The following IARS1 variants were observed in gnomAD, a reference collection of about 807,000 sequenced individuals.
IARS1 encodes isoleucyl-tRNA synthetase 1.
IARS1 carries 124 observed loss-of-function variants against 168.2 expected under a neutral mutation model. The observed-to-expected ratio is 0.74, with a 90% CI of 0.64 to 0.86. The LOEUF is 0.86. Ranked by LOEUF, IARS1 falls within the 40% of genes least tolerant of loss-of-function variation. The probability of loss-of-function intolerance (pLI) is 0.00; values close to 1 mark genes in which losing one functional copy is unlikely to be tolerated. For synonymous variants in IARS1, 532 were observed against 529.4 expected, an observed-to-expected ratio of 1.00 and a Z score of -0.07; for missense variants, 1,452 against 1,515.8, an observed-to-expected ratio of 0.96 and a Z score of 0.70.
At chr9:92,258,456 C>G (rs1221695276) in intron 19 of IARS1, among the ~76,000 whole-genome samples, 2 of 152,116 alleles carry the variant, frequency 1.3e-5, no homozygotes, top group Non-Finnish European at 2.9e-5. Flanking sequence ...ATTAGCCAGG[C>G]ATGGTGGTGG....
rs1362509868 is a variant in IARS1, at chr9:92,280,908, GGTAAA to G, written c.598-20_598-16del. On this transcript the variant is annotated splice_polypyrimidine_tract_variant and intron_variant, in intron 6 of 33. Transcript: ENST00000443024. Reference sequence around the variant, plus strand: ...TCTTGAACATCCTGAAATAAATTGAGGTAAAGTATTGTTTTAGAAATCCACAATAA... The same window carrying G: ...TCTTGAACATCCTGAAATAAATTGAGGTATTGTTTTAGAAATCCACAATAA... 9 of 1,588,230 alleles carry G rather than the reference GGTAAA, an allele frequency of 5.7e-6. No homozygotes were observed. The highest frequency in any genetic ancestry group is 6.9e-6 in the Non-Finnish European group (8 of 1,160,986).
chr9:92,238,468 T>C (rs867438367), intron 30 of IARS1, among the ~76,000 whole-genome samples: 2 of 152,178 alleles, frequency 1.3e-5, no homozygotes, highest in South Asian at 2.1e-4. Flanking sequence ...CTCTTCATCA[T>C]GTGATACACT....
At chr9:92,252,028 A>T in intron 21 of IARS1, 143 bp from the exon 22 acceptor site, 1 of 675,540 alleles carries the variant, frequency 1.5e-6, no homozygotes, top group South Asian at 1.9e-5. Flanking sequence ...AGAAAGGGCC[A>T]CGACCACAGG....
chr9:92,210,937 G>A, intron 33 of IARS1, 48 bp from the exon 34 acceptor site: 1 of 1,203,600 alleles, frequency 8.3e-7, no homozygotes, highest in Middle Eastern at 1.9e-4. Flanking sequence ...TTTACCTATT[G>A]GGGGTGAATA....
At chr9:92,281,020 C>A in intron 6 of IARS1, 127 bp from the exon 7 acceptor site, 1 of 519,212 alleles carries the variant, frequency 1.9e-6, no homozygotes, top group Non-Finnish European at 3.1e-6. Flanking sequence ...ACTTACCAGA[C>A]TTACAAACAG....
Position 92,243,322 on chromosome 9 carries a change from G to C in IARS1, c.2905-11C>G, listed in dbSNP as rs780655555. ...TAAGAGGACCAAAGCCTGTGGGAAT[G>C]AACAGTGCACACCATGACAATCAAA... On this transcript the variant is annotated splice_polypyrimidine_tract_variant and intron_variant, in intron 27 of 33. Coordinates refer to ENST00000443024, the MANE Select transcript of IARS1 (RefSeq NM_002161.6). 13 of 1,562,442 alleles carry C rather than the reference G, an allele frequency of 8.3e-6. No individual in the cohort carries two copies. In the South Asian group the frequency reaches 1.2e-4, roughly 15 times the overall value.
intron 19 of IARS1, 48 bp from the exon 20 acceptor site, chr9:92,256,848 T>C (rs1830801251): frequency 6.4e-7 from 1 of 1,557,744 alleles, no homozygotes; most frequent in African/African-American, 1.4e-5. Flanking sequence ...GGAAGAAAGT[T>C]ACTATGAGGA....
chr9:92,241,860 C>CT (rs1047916218), intron 29 of IARS1, among the ~76,000 whole-genome samples: 1 of 152,210 alleles, frequency 6.6e-6, no homozygotes, highest in African/African-American at 2.4e-5. Context: ...AATCCACACA[C>CT]TGCCTTTTCT....
rs987846944 is a variant in IARS1, at chr9:92,240,805, C to A, written c.3283+51G>T. 2.8e-6 allele frequency: 3 copies of A among 1,086,344 alleles called. No homozygotes were observed. In the South Asian group the frequency reaches 3.8e-5, roughly 14 times the overall value. The allele number at this position is 1,086,344 out of a possible 1,614,324, so 67.3% of individuals were successfully genotyped here. A position where few individuals can be genotyped will look rare whatever the true frequency, so the allele number is the denominator to read the frequency against. On this transcript the variant is annotated intron_variant, in intron 30 of 33. Transcript: ENST00000443024. The stretch of plus-strand genomic sequence containing the variant: ...AGTTTTTTTGGTTGTTTTTTCACAT[C>A]CATAAGTATAACTAAAAAAAAGTCA...
chr9:92,264,015 C>G (rs1019862684), intron 16 of IARS1, among the ~76,000 whole-genome samples: 8 of 152,192 alleles, frequency 5.3e-5, no homozygotes, highest in Admixed American at 1.3e-4. Context: ...TAACACACCC[C>G]TGCAGAAACA....
chr9:92,234,570 C>T (rs1215599005), intron 30 of IARS1, among the ~76,000 whole-genome samples: 1 of 152,222 alleles, frequency 6.6e-6, no homozygotes, highest in Non-Finnish European at 1.5e-5. Flanking sequence ...TGCTGGCCCT[C>T]TGTACAAGAA....
At chr9:92,290,343 C>T (rs955786373) in intron 1 of IARS1, among the ~76,000 whole-genome samples, 3 of 152,126 alleles carry the variant, frequency 2.0e-5, no homozygotes, top group African/African-American at 7.2e-5. Context: ...TGGCCATTTG[C>T]GTATCCACGT....
At chr9:92,279,702 T>C (rs762298519) in intron 7 of IARS1, among the ~76,000 whole-genome samples, 2 of 152,252 alleles carry the variant, frequency 1.3e-5, no homozygotes, top group Non-Finnish European at 2.9e-5. Context: ...CAGAATTAAA[T>C]ACATCTACAA....
chr9:92,281,009 C>T, intron 6 of IARS1, 116 bp from the exon 7 acceptor site: 4 of 580,448 alleles, frequency 6.9e-6, no homozygotes, highest in Non-Finnish European at 8.2e-6. Flanking sequence ...CCGAAGAAAC[C>T]ACTTACCAGA....
intron 14 of IARS1, among the ~76,000 whole-genome samples, chr9:92,266,085 C>T (rs1445735321): frequency 6.6e-6 from 1 of 152,204 alleles, no homozygotes; most frequent in Non-Finnish European, 1.5e-5. Context: ...TGCCACTGCT[C>T]CTCTGTTTCC....
At chr9:92,260,126 C>T (rs2133791632) in intron 18 of IARS1, 25 bp downstream of exon 18, 1 of 1,495,566 alleles carries the variant, frequency 6.7e-7, no homozygotes, top group South Asian at 1.1e-5. Flanking sequence ...AATAGATACA[C>T]ACAAGGCAAA....
intron 16 of IARS1, among the ~76,000 whole-genome samples, chr9:92,263,770 G>C (rs1831876457): frequency 1.3e-5 from 2 of 152,190 alleles, no homozygotes; most frequent in Non-Finnish European, 2.9e-5. Context: ...CAGGCACCAA[G>C]GACACGGGAT....
Position 92,265,008 on chromosome 9 carries a change from G to T in IARS1, c.1621C>A (p.Pro541Thr). The change falls in exon 16 of 34, where the codon CCG becomes ACG. Residue 541 changes from proline (P) to threonine (T), a missense_variant. Physicochemically the swap from Pro to Thr is conservative, Grantham distance 38 (BLOSUM62 -1). Coordinates refer to ENST00000443024, the MANE Select transcript of IARS1 (RefSeq NM_002161.6). ...TCAAACTCCCTCTTGTTTTCAAACG[G>T]GTAATGAACCTGAGCATAGGGCATG... Reference protein sequence around the residue: ...GSMPYAQVHYPFENKREFEDA... With the variant: ...GSMPYAQVHYTFENKREFEDA... 1 of 1,614,110 alleles carries T rather than the reference G, an allele frequency of 6.2e-7. No individual in the cohort carries two copies. The highest frequency in any genetic ancestry group is 8.5e-7 in the Non-Finnish European group (1 of 1,180,014).
intron 30 of IARS1, among the ~76,000 whole-genome samples, chr9:92,234,002 C>T (rs1171664291): frequency 6.6e-6 from 1 of 152,196 alleles, no homozygotes; most frequent in Non-Finnish European, 1.5e-5. Context: ...CTAAAGTAAT[C>T]CTCCTGCCTA....
Sources: allele counts gnomAD v4.1 joint callset (sites outside exome capture counted in the v4.1 genomes callset), GRCh38; gene constraint gnomAD v4.1.1; transcripts MANE v1.5; gene names NCBI Gene and HGNC (gene_info 2026-07-23, HGNC 2026-07-21).